CELF2: variants seen among roughly 807,000 people sequenced by gnomAD.
CELF2 encodes the protein CUG triplet repeat RNA-binding protein 2.
In CELF2, 8 loss-of-function variants were observed where a neutral mutation model predicts 62.6. The observed-to-expected ratio is 0.13, with a 90% CI of 0.07 to 0.23. CELF2 has a LOEUF of 0.23. CELF2 is among the 10% of genes least tolerant of loss of function. The pLI, the probability that CELF2 is intolerant of heterozygous loss-of-function variation, is 1.00. For synonymous variants in CELF2, 258 were observed against 250.0 expected, an observed-to-expected ratio of 1.03 and a Z score of -0.30; for missense variants, 333 against 671.0, an observed-to-expected ratio of 0.50 and a Z score of 5.56.
intron 1 of CELF2, among the ~76,000 whole-genome samples, chr10:11,113,957 G>A (rs1430620761): frequency 2.0e-5 from 3 of 152,136 alleles, no homozygotes; most frequent in Non-Finnish European, 4.4e-5. Context: ...TATATGATTT[G>A]TGTCTAGCTT....
Position 11,300,780 on chromosome 10 carries a change from G to A in CELF2, c.976+12228G>A, listed in dbSNP as rs896357869. 1.3e-5 allele frequency among the ~76,000 whole-genome samples: 2 copies of A among 152,278 alleles called. No homozygotes were observed. The highest frequency in any genetic ancestry group is 4.8e-5 in the African/African-American group (2 of 41,542). ...GCTCGTTTGAGGCAAAACGGCGACC[G>A]CGGGCTCCAGTGTCCTGAGTATGTT... On this transcript the variant is annotated intron_variant, in intron 9 of 12. Transcript: ENST00000633077. This position sits in a 1 kb window ranked among gnomAD's most constrained non-coding sequence, Gnocchi z 5.5.
chr10:10,811,611 T>G (rs894514607), intron 1 of CELF2, among the ~76,000 whole-genome samples: 1 of 152,140 alleles, frequency 6.6e-6, no homozygotes, highest in African/African-American at 2.4e-5. Flanking sequence ...GGATCACCAT[T>G]ATAAGCCCTA....
chr10:11,084,115 C>G (rs2074765082), intron 1 of CELF2, among the ~76,000 whole-genome samples: 2 of 152,236 alleles, frequency 1.3e-5, no homozygotes, highest in African/African-American at 4.8e-5. Context: ...TTGGAAGATT[C>G]ATTTTCCTCC....
the CELF2 span, among the ~76,000 whole-genome samples, chr10:10,505,705 G>A: frequency 1.3e-5 from 2 of 152,170 alleles, no homozygotes; most frequent in Admixed American, 6.5e-5. Flanking sequence ...TATGACTGAA[G>A]TCATGAACTC....
chr10:10,696,734 G>A, the CELF2 span, among the ~76,000 whole-genome samples: 1 of 152,202 alleles, frequency 6.6e-6, no homozygotes. Flanking sequence ...CATCGGAAAA[G>A]CGCAGTATTT....
chr10:11,109,210 AG>A (rs1252864505), intron 1 of CELF2, among the ~76,000 whole-genome samples: 8 of 152,168 alleles, frequency 5.3e-5, no homozygotes, highest in Admixed American at 2.6e-4. Context: ...TTCTCTCAAT[AG>A]TAAGCTGGTT....
Position 10,961,405 on chromosome 10 carries a change from T to G in CELF2, c.89+41406T>G, listed in dbSNP as rs565696060. ...CTCATCCAGGTGAATTTCTTGGTTT[T>G]AAAAATTAAAACAATGGTCTCAGTA... On this transcript the variant is annotated intron_variant, in intron 2 of 13. Coordinates refer to the CELF2 transcript ENST00000636488. Among the ~76,000 whole-genome samples the G allele has an allele frequency of 5.9e-5, 9 of 152,306 alleles. No homozygotes were observed. The South Asian group carries it at 1.9e-3, about 32-fold the overall frequency.
At position 11,267,558 on chromosome 10, in the gene CELF2, G is replaced by A. The variant is rs1286352247; in HGVS notation, c.618+881G>A. ...TCTTTTCCGGAGGTGGCCTTGTGGT[G>A]TTATCTGAAGCTGTGTTTTCATATT... On this transcript the variant is annotated intron_variant, in intron 6 of 12. Coordinates refer to ENST00000633077, the MANE Select transcript of CELF2 (RefSeq NM_001326342.2). The surrounding 1 kb of genome is among the most constrained non-coding windows in gnomAD (Gnocchi z 4.4). 6.6e-6 allele frequency among the ~76,000 whole-genome samples: 1 copy of A among 152,096 alleles called. No individual in the cohort carries two copies. Among genetic ancestry groups the A allele is most frequent in the Non-Finnish European group, 1.5e-5 (1 of 68,018 alleles).
intron 2 of CELF2, among the ~76,000 whole-genome samples, chr10:11,166,661 T>G (rs2067295680): frequency 6.6e-6 from 1 of 152,266 alleles, no homozygotes; most frequent in South Asian, 2.1e-4. Flanking sequence ...CCTTGGTGTT[T>G]CTGTCTGGCA....
chr10:11,268,998 C>G lies in CELF2; in HGVS notation c.619-1668C>G, dbSNP rs537100908. Among the ~76,000 whole-genome samples, 15 of 152,162 alleles carry G rather than the reference C, an allele frequency of 9.9e-5. No homozygotes were observed. Among genetic ancestry groups the G allele is most frequent in the African/African-American group, 3.6e-4 (15 of 41,504 alleles). On this transcript the variant is annotated intron_variant, in intron 6 of 12. Coordinates refer to ENST00000633077, the MANE Select transcript of CELF2 (RefSeq NM_001326342.2). This position sits in a 1 kb window ranked among gnomAD's most constrained non-coding sequence, Gnocchi z 4.7. ...CTATAATCATTGGCCTAATTTTCTGCTTTTATATCATTTTTACTATTTAAG... is the reference window on the plus strand; with the variant it reads ...CTATAATCATTGGCCTAATTTTCTGGTTTTATATCATTTTTACTATTTAAG...
chr10:11,251,742 A>AG (rs1322743289), intron 4 of CELF2, among the ~76,000 whole-genome samples: 3 of 152,324 alleles, frequency 2.0e-5, no homozygotes, highest in Middle Eastern at 3.4e-3. Context: ...CCGTCTTACA[A>AG]GGTTATTTGA....
intron 1 of CELF2, among the ~76,000 whole-genome samples, chr10:10,846,715 C>T (rs528724432): frequency 7.2e-5 from 11 of 152,230 alleles, no homozygotes; most frequent in Non-Finnish European, 1.2e-4. Context: ...CTGAGCAGAA[C>T]GATGCCCTTG....
chr10:11,023,712 T>C (rs1039363607), intron 1 of CELF2, among the ~76,000 whole-genome samples: 1 of 152,254 alleles, frequency 6.6e-6, no homozygotes, highest in African/African-American at 2.4e-5. Flanking sequence ...TTACTCCAAC[T>C]GTTTTTATAG....
At chr10:10,729,660 T>C in the CELF2 span, among the ~76,000 whole-genome samples, 2 of 151,860 alleles carry the variant, frequency 1.3e-5, no homozygotes, top group Non-Finnish European at 2.9e-5. Context: ...GCACCTGTAG[T>C]CCCAGCTACC....
chr10:11,251,736 C>A (rs2137455060), intron 4 of CELF2, among the ~76,000 whole-genome samples: 1 of 152,286 alleles, frequency 6.6e-6, no homozygotes, highest in East Asian at 1.9e-4. Context: ...TAATGCCCGT[C>A]TTACAAGGTT....
the CELF2 span, among the ~76,000 whole-genome samples, chr10:10,791,976 A>G: frequency 8.7e-5 from 13 of 150,184 alleles, no homozygotes; most frequent in Non-Finnish European, 1.6e-4. Flanking sequence ...AAGGGAATCG[A>G]AGGGAGAAGG....
intron 1 of CELF2, among the ~76,000 whole-genome samples, chr10:11,129,997 C>A (rs1034764296): frequency 6.6e-6 from 1 of 152,190 alleles, no homozygotes; most frequent in Non-Finnish European, 1.5e-5. Flanking sequence ...CCTGCTTTCT[C>A]TTGTGGGCAT....
chr10:11,275,960 C>T (rs2085927443), intron 8 of CELF2, among the ~76,000 whole-genome samples: 1 of 152,066 alleles, frequency 6.6e-6, no homozygotes, highest in South Asian at 2.1e-4. Flanking sequence ...GGGGAGAGAG[C>T]AAGGAGAACA....
rs1182433081 is a variant in CELF2 at position 10,832,979 on chromosome 10, G to A, written c.53+34162G>A. On this transcript the variant is annotated intron_variant, in intron 1 of 13. Coordinates refer to the CELF2 transcript ENST00000636488. ...CCAGGTGTACTCACCGACAATTTTTGAAGTTTTTGAGCCTCCTACAGACAC... is the reference window on the plus strand; with the variant it reads ...CCAGGTGTACTCACCGACAATTTTTAAAGTTTTTGAGCCTCCTACAGACAC... 3.3e-5 allele frequency among the ~76,000 whole-genome samples: 5 copies of A among 150,438 alleles called. 1 individual carries two copies.
Sources: gnomAD v4.1 joint callset for allele counts (sites outside exome capture counted in the v4.1 genomes callset) on GRCh38, gnomAD v4.1.1 for gene constraint, Gnocchi (gnomAD v3.1) non-coding constraint, MANE v1.5 for transcripts, NCBI Gene and HGNC (gene_info 2026-07-23, HGNC 2026-07-21) for gene names.